CA13: variants seen among roughly 807,000 people sequenced by gnomAD.
CA13 encodes the protein carbonic anhydrase 13.
In CA13, 21 loss-of-function variants were observed where a neutral mutation model predicts 31.5. The ratio of observed to expected loss-of-function variants is 0.67; its 90% CI spans 0.47 to 0.96. The LOEUF (loss-of-function observed/expected upper bound fraction) is 0.96, where lower values mean the gene tolerates loss of function less well. Ranked by LOEUF, CA13 falls within the 40% of genes least tolerant of loss-of-function variation. The pLI is 0.00. For missense variants in CA13, 315 were observed against 318.9 expected (o/e 0.99, Z 0.09); for synonymous variants, 117 against 111.4 (o/e 1.05, Z -0.32).
intron 4 of CA13, chr8:85,267,124 A>T: frequency 2.4e-6 from 1 of 422,754 alleles, no homozygotes; most frequent in Non-Finnish European, 3.2e-6. Context: ...TATTTCCTTT[A>T]ATCTAACGTT....
chr8:85,268,056 C>G, intron 5 of CA13, 92 bp downstream of exon 5: 1 of 776,396 alleles, frequency 1.3e-6, no homozygotes, highest in Non-Finnish European at 2.0e-6. Context: ...ATGCTGCCTG[C>G]TTTGAAGTTT....
At chr8:85,278,215 G>A (rs1807645335) in intron 6 of CA13, among the ~76,000 whole-genome samples, 1 of 138,336 alleles carries the variant, frequency 7.2e-6, no homozygotes, top group Non-Finnish European at 1.5e-5. Context: ...GCAGTGAGTC[G>A]AGATTATGCC....
rs1403052110 is a variant in CA13, at chr8:85,283,130, GCCAGGCTGGTCTCAAACT to G, written c.*1784_*1801del. ...AGTAGAGATGGGTTTTGCAATGTTGGCCAGGCTGGTCTCAAACTCCTGACCTCAAGTGATCTGCCTGCC... is the reference window on the plus strand; with the variant it reads ...AGTAGAGATGGGTTTTGCAATGTTGGCCTGACCTCAAGTGATCTGCCTGCC... On this transcript the variant is annotated 3_prime_UTR_variant, in exon 7 of 7. Transcript: ENST00000321764. 2 of 152,050 alleles carry G rather than the reference GCCAGGCTGGTCTCAAACT, an allele frequency of 1.3e-5. No homozygotes were observed. Among genetic ancestry groups the G allele is most frequent in the African/African-American group, 2.4e-5 (1 of 41,384 alleles). The allele number at this position is 152,050 out of a possible 1,614,324, so 9.4% of individuals were successfully genotyped here.
At chr8:85,253,647 A>T (rs2129954571) in intron 2 of CA13, among the ~76,000 whole-genome samples, 1 of 152,328 alleles carries the variant, frequency 6.6e-6, no homozygotes, top group Non-Finnish European at 1.5e-5. Context: ...CCAAGTAAGG[A>T]GGGACCTGGC....
intron 1 of CA13, among the ~76,000 whole-genome samples, chr8:85,249,450 A>G (rs746179239): frequency 7.3e-5 from 11 of 150,940 alleles, no homozygotes; most frequent in Non-Finnish European, 1.5e-4. Context: ...AGCTGAGATT[A>G]CACCTCTGCA....
chr8:85,255,991 C>T (rs926715443), intron 2 of CA13, among the ~76,000 whole-genome samples: 1 of 151,672 alleles, frequency 6.6e-6, no homozygotes, highest in African/African-American at 2.4e-5. Context: ...TAGCATGGTG[C>T]CTGGCACATG....
At chr8:85,258,110 C>T (rs1275992506) in intron 2 of CA13, among the ~76,000 whole-genome samples, 1 of 151,598 alleles carries the variant, frequency 6.6e-6, no homozygotes, top group Non-Finnish European at 1.5e-5. Context: ...AAGCGATCCT[C>T]CCTCCTTGGC....
At chr8:85,253,678 T>C (rs1457032155) in intron 2 of CA13, among the ~76,000 whole-genome samples, 3 of 152,214 alleles carry the variant, frequency 2.0e-5, no homozygotes, top group African/African-American at 7.2e-5. Context: ...CATGTTCAAC[T>C]ATATTTCTTT....
At position 85,262,583 on chromosome 8, in the gene CA13, C is replaced by A. The variant is rs113054955; in HGVS notation, c.354+3044C>A. On this transcript the variant is annotated intron_variant, in intron 3 of 6. Coordinates refer to ENST00000321764, the MANE Select transcript of CA13 (RefSeq NM_198584.3). Reference sequence around the variant, plus strand: ...AGGGCCTGATCTTACTGAGGTAAGTCCTGGTAAGGTTTATGAAGGTGATTC... The same window carrying A: ...AGGGCCTGATCTTACTGAGGTAAGTACTGGTAAGGTTTATGAAGGTGATTC... Among the ~76,000 whole-genome samples, 834 of 152,094 alleles carry A rather than the reference C, an allele frequency of 5.5e-3. 8 individuals are homozygous for A. Among genetic ancestry groups the A allele is most frequent in the African/African-American group, 0.019 (780 of 41,478 alleles).
At chr8:85,271,993 C>T (rs981095743) in intron 6 of CA13, among the ~76,000 whole-genome samples, 5 of 152,022 alleles carry the variant, frequency 3.3e-5, no homozygotes, top group South Asian at 2.1e-4. Context: ...CACTTGAACC[C>T]GGGAGGCAAG....
intron 6 of CA13, among the ~76,000 whole-genome samples, chr8:85,280,302 C>T (rs1807682068): frequency 6.6e-6 from 1 of 152,068 alleles, no homozygotes; most frequent in African/African-American, 2.4e-5. Flanking sequence ...ATAAAACCCT[C>T]AAAATATCAC....
rs1807733680 is a variant in CA13 at position 85,283,264 on chromosome 8, G to A, written c.*1915G>A. 6.6e-6 allele frequency: 1 copy of A among 152,106 alleles called. No homozygotes were observed. Among genetic ancestry groups the A allele is most frequent in the Non-Finnish European group, 1.5e-5 (1 of 68,036 alleles). 9.4% of individuals were successfully genotyped at this position (152,106 alleles called of 1,614,324 possible). On this transcript the variant is annotated 3_prime_UTR_variant, in exon 7 of 7. Transcript: ENST00000321764. ...ATAATTGAATTTATTCTGCCGTGTT[G>A]ATAGAATAACTGAATATCAGTAAAT... is the stretch of plus-strand genomic sequence containing the variant.
chr8:85,271,032 A>C (rs1807519806), intron 6 of CA13, among the ~76,000 whole-genome samples: 1 of 152,200 alleles, frequency 6.6e-6, no homozygotes, highest in African/African-American at 2.4e-5. Flanking sequence ...GAACACTTTC[A>C]CGTATTTTAG....
chr8:85,261,242 TACA>T (rs141332549), intron 3 of CA13, among the ~76,000 whole-genome samples: 289 of 152,306 alleles, frequency 1.9e-3, no homozygotes, highest in Non-Finnish European at 3.2e-3. Flanking sequence ...AGGTACAACT[TACA>T]ACATTACAGA....
At chr8:85,271,305 T>C (rs1384568042) in intron 6 of CA13, among the ~76,000 whole-genome samples, 1 of 152,234 alleles carries the variant, frequency 6.6e-6, no homozygotes, top group African/African-American at 2.4e-5. Flanking sequence ...TATGGAGATA[T>C]GAATACTAAG....
At chr8:85,268,694 T>TC (rs1231418451) in intron 6 of CA13, 67 bp downstream of exon 6, 9 of 1,226,380 alleles carry the variant, frequency 7.3e-6, no homozygotes, top group Non-Finnish European at 9.0e-6. Context: ...TTTTTTTTTT[T>TC]CAACCCTGCC....
intron 6 of CA13, among the ~76,000 whole-genome samples, chr8:85,270,327 T>C (rs1042680514): frequency 2.0e-5 from 3 of 152,188 alleles, no homozygotes; most frequent in Non-Finnish European, 2.9e-5. Flanking sequence ...CCTTGGGGCA[T>C]TGAACACATC....
At chr8:85,257,461 CT>C (rs778732478) in intron 2 of CA13, among the ~76,000 whole-genome samples, 9 of 151,924 alleles carry the variant, frequency 5.9e-5, no homozygotes, top group Non-Finnish European at 1.0e-4. Flanking sequence ...TGGCTCACAC[CT>C]GTAATCCCAG....
intron 3 of CA13, among the ~76,000 whole-genome samples, chr8:85,263,146 A>G (rs1344866493): frequency 6.6e-6 from 1 of 152,190 alleles, no homozygotes; most frequent in Admixed American, 6.5e-5. Context: ...TCTCTAAGGC[A>G]GGAGTGAGGC....
Sources: gnomAD v4.1 joint callset for allele counts (sites outside exome capture counted in the v4.1 genomes callset) on GRCh38, gnomAD v4.1.1 for gene constraint, MANE v1.5 for transcripts, NCBI Gene and HGNC (gene_info 2026-07-23, HGNC 2026-07-21) for gene names.